Variants in LHCGR observed in about 807,000 individuals in gnomAD.
LHCGR encodes lutropin-choriogonadotropic hormone receptor.
Under a neutral mutation model 60.7 loss-of-function variants are expected in LHCGR, and 55 were observed. That is an observed-to-expected ratio of 0.91 (90% CI 0.73 to 1.13). LHCGR has a LOEUF of 1.13. LHCGR is among the 50% of genes most tolerant of loss of function. LHCGR has a pLI of 0.00. For missense variants in LHCGR, 862 were observed against 836.0 expected (o/e 1.03, Z -0.38); for synonymous variants, 337 against 316.5 (o/e 1.06, Z -0.69).
At position 48,688,176 on chromosome 2, in the gene LHCGR, T is replaced by G; in HGVS notation, c.1621A>C (p.Ile541Leu). 1 of 1,614,190 alleles carries G rather than the reference T, an allele frequency of 6.2e-7. No homozygotes were observed. Among genetic ancestry groups the G allele is most frequent in the Non-Finnish European group, 8.5e-7 (1 of 1,180,036 alleles). The stretch of plus-strand genomic sequence containing the variant: ...ATTTTAATGTAGCAAGCACAAATTA[T>G]GAAGAAGGCCACCACATTGAGAATC... ...ILILNVVAFFIICACYIKIYF... is the reference protein window; with the variant it reads ...ILILNVVAFFLICACYIKIYF... Residue 541 changes from isoleucine to leucine, a missense_variant, in exon 11 of 11, where the codon ATA becomes CTA. Coordinates refer to ENST00000294954, the MANE Select transcript of LHCGR (RefSeq NM_000233.4). This position sits in a 1 kb window ranked among gnomAD's most constrained non-coding sequence, Gnocchi z 5.2.
intron 9 of LHCGR, among the ~76,000 whole-genome samples, chr2:48,697,120 T>C (rs1318459234): frequency 1.3e-5 from 2 of 152,222 alleles, no homozygotes; most frequent in South Asian, 2.1e-4. Flanking sequence ...TCTTCTTCCA[T>C]GTGTCCATGT....
At chr2:48,715,769 A>T (rs1382976132) in intron 6 of LHCGR, among the ~76,000 whole-genome samples, 1 of 152,260 alleles carries the variant, frequency 6.6e-6, no homozygotes, top group African/African-American at 2.4e-5. Context: ...GGTGTGACTC[A>T]TGTTGAAGTA....
intron 9 of LHCGR, among the ~76,000 whole-genome samples, chr2:48,696,432 C>G (rs1222493880): frequency 6.6e-6 from 1 of 152,188 alleles, no homozygotes; most frequent in East Asian, 1.9e-4. Flanking sequence ...TGACATTTGC[C>G]TATTTTCCTT....
At chr2:48,739,144 T>G (rs1264088278) in intron 1 of LHCGR, among the ~76,000 whole-genome samples, 3 of 152,188 alleles carry the variant, frequency 2.0e-5, no homozygotes, top group African/African-American at 7.2e-5. Context: ...ATGGCGATCA[T>G]TAAAAAGTCA....
At chr2:48,719,733 T>C (rs1572859751) in intron 6 of LHCGR, among the ~76,000 whole-genome samples, 1 of 152,244 alleles carries the variant, frequency 6.6e-6, no homozygotes, top group Admixed American at 6.5e-5. Context: ...GAGCTCACAG[T>C]TGGTAAAGAT....
intron 1 of LHCGR, among the ~76,000 whole-genome samples, chr2:48,749,987 T>C (rs984925151): frequency 7.2e-5 from 11 of 152,130 alleles, no homozygotes; most frequent in African/African-American, 2.2e-4. Flanking sequence ...GGTTTAAGAG[T>C]TGCCTTGAGG....
Position 48,723,449 on chromosome 2 carries a change from T to C in LHCGR, c.536+7A>G. ...ATGGCAGAACACAAATCTGGGAGTT[T>C]ACTCACAGTGTTACAGATTCATTAT... On this transcript the variant is annotated splice_region_variant and intron_variant, in intron 6 of 10. Coordinates refer to ENST00000294954, the MANE Select transcript of LHCGR (RefSeq NM_000233.4). The C allele has an allele frequency of 6.3e-7, 1 of 1,590,278 alleles. No homozygotes were observed. The highest frequency in any genetic ancestry group is 8.6e-7 in the Non-Finnish European group (1 of 1,158,316).
In LHCGR at chr2:48,694,270, A is replaced by G. The variant is rs1667008876; in HGVS notation, c.901T>C (p.Ser301Pro). The G allele has an allele frequency of 6.2e-7, 1 of 1,601,286 alleles. No individual in the cohort carries two copies. Among genetic ancestry groups the G allele is most frequent in the Non-Finnish European group, 8.5e-7 (1 of 1,170,234 alleles). The change falls in exon 10 of 11, where the codon TCC becomes CCC. Residue 301 changes from serine (S) to proline (P), a missense_variant. Ser to Pro is a moderately conservative substitution (Grantham distance 74). Transcript: ENST00000294954. ...NFSHSISENF[S>P]KQCESTVRKV... ...CTTACTGTGCTTTCACATTGTTTGG[A>G]AAAGTTTTCAGAAATGGAATGTGAA...
intron 8 of LHCGR, among the ~76,000 whole-genome samples, chr2:48,708,115 G>T (rs549312886): frequency 6.6e-5 from 10 of 152,174 alleles, no homozygotes; most frequent in African/African-American, 2.4e-4. Context: ...CATCGATCTC[G>T]CTGAGAGCTG....
chr2:48,716,249 A>T (rs919357566), intron 6 of LHCGR, among the ~76,000 whole-genome samples: 1 of 152,020 alleles, frequency 6.6e-6, no homozygotes, highest in East Asian at 1.9e-4. Flanking sequence ...ACATCACACC[A>T]CAGGCCTTTC....
chr2:48,747,292 A>G (rs1473931008), intron 1 of LHCGR, among the ~76,000 whole-genome samples: 1 of 152,018 alleles, frequency 6.6e-6, no homozygotes, highest in East Asian at 1.9e-4. Flanking sequence ...AGGTTTCACC[A>G]TGTTGGCCAG....
chr2:48,708,792 G>T (rs1029914982), intron 8 of LHCGR, 156 bp downstream of exon 8: 6 of 736,408 alleles, frequency 8.1e-6, no homozygotes, highest in Non-Finnish European at 1.5e-5. Flanking sequence ...ACTTTATTAT[G>T]GCAGCTGTGA....
intron 1 of LHCGR, among the ~76,000 whole-genome samples, chr2:48,742,337 C>T (rs907246103): frequency 7.9e-5 from 12 of 151,870 alleles, no homozygotes; most frequent in Admixed American, 2.0e-4. Context: ...CTGCACCAAG[C>T]GGACCTAATA....
intron 6 of LHCGR, among the ~76,000 whole-genome samples, chr2:48,716,120 ATCTGAAGCATGTT>A (rs1489835321): frequency 6.6e-6 from 1 of 152,084 alleles, no homozygotes; most frequent in East Asian, 1.9e-4. Flanking sequence ...ATATTGCAGA[ATCTGAAGCATGTT>A]TCTGAACCAT....
rs193065188 is a variant in LHCGR, at chr2:48,716,498, G to T, written c.537-2444C>A. ...TGGGTCAGATGATGATAAAGCAATG[G>T]AGGCAAAGCCAATCATCAGTTTCAC... On this transcript the variant is annotated intron_variant, in intron 6 of 10. Coordinates refer to ENST00000294954, the MANE Select transcript of LHCGR (RefSeq NM_000233.4). 2.0e-5 allele frequency among the ~76,000 whole-genome samples: 3 copies of T among 152,056 alleles called. No individual in the cohort carries two copies. In the East Asian group the frequency reaches 5.8e-4, roughly 30 times the overall value.
intron 7 of LHCGR, among the ~76,000 whole-genome samples, chr2:48,712,289 G>A (rs546940289): frequency 1.3e-5 from 2 of 152,126 alleles, no homozygotes; most frequent in African/African-American, 4.8e-5. Context: ...TATGCTGTAA[G>A]CTCCTGTAGG....
At chr2:48,736,675 A>G (rs2103658963) in intron 1 of LHCGR, among the ~76,000 whole-genome samples, 1 of 152,326 alleles carries the variant, frequency 6.6e-6, no homozygotes, top group East Asian at 1.9e-4. Flanking sequence ...AGCTTCAGTC[A>G]GGTGGGCTCT....
intron 9 of LHCGR, among the ~76,000 whole-genome samples, chr2:48,697,334 C>G (rs1667164929): frequency 6.6e-6 from 1 of 152,236 alleles, no homozygotes; most frequent in African/African-American, 2.4e-5. Context: ...CCAGAACACT[C>G]TGCTCTGTTC....
intron 6 of LHCGR, among the ~76,000 whole-genome samples, chr2:48,715,171 G>A (rs775201948): frequency 5.9e-5 from 9 of 151,972 alleles, no homozygotes; most frequent in Non-Finnish European, 1.0e-4. Flanking sequence ...CTTTGCCTCC[G>A]TTGCTTTATC....
Sources: allele counts gnomAD v4.1 joint callset (sites outside exome capture counted in the v4.1 genomes callset), GRCh38; gene constraint gnomAD v4.1.1; non-coding constraint Gnocchi (gnomAD v3.1); transcripts MANE v1.5; gene names NCBI Gene and HGNC (gene_info 2026-07-23, HGNC 2026-07-21).